Variants in TUSC3 observed in about 807,000 individuals in gnomAD.
TUSC3 encodes tumor suppressor candidate 3.
TUSC3 carries 45 observed loss-of-function variants against 44.8 expected under a neutral mutation model. The observed-to-expected ratio is 1.00, with a 90% confidence interval of 0.79 to 1.29. The LOEUF is 1.29. Among genes scored for constraint, TUSC3 ranks in the 50% most tolerant of loss-of-function variants. The pLI is 0.00. For synonymous variants in TUSC3, 212 were observed against 152.9 expected (o/e 1.39, Z -2.85); for missense variants, 519 against 437.9 (o/e 1.19, Z -1.65).
At chr8:15,659,762 A>T in intron 4 of TUSC3, 115 bp downstream of exon 4, 6 of 1,408,066 alleles carry the variant, frequency 4.3e-6, no homozygotes, top group Non-Finnish European at 5.9e-6. Flanking sequence ...TTCTCCTTGC[A>T]TAGAGAAAAC....
chr8:15,636,302 G>T (rs1435880741), intron 2 of TUSC3, among the ~76,000 whole-genome samples: 1 of 152,110 alleles, frequency 6.6e-6, no homozygotes, highest in Non-Finnish European at 1.5e-5. Context: ...TGAGTTGGGT[G>T]GCAGAGTTAG....
Position 15,650,667 on chromosome 8 carries a change from G to A in TUSC3, c.309-30G>A, listed in dbSNP as rs368082265. On this transcript the variant is annotated intron_variant, in intron 2 of 10. Coordinates refer to ENST00000503731, the MANE Select transcript of TUSC3 (RefSeq NM_006765.4). The stretch of plus-strand genomic sequence containing the variant: ...TTTGTAGATGCTTCAGTACTGATGT[G>A]TTTCTACTATGGCCCATTATTCTTA... The A allele has an allele frequency of 2.6e-4, 420 of 1,596,356 alleles. 1 individual carries two copies. Among genetic ancestry groups the A allele is most frequent in the Non-Finnish European group, 3.5e-4 (409 of 1,164,262 alleles).
chr8:15,834,024 T>C, the TUSC3 span, among the ~76,000 whole-genome samples: 1 of 152,002 alleles, frequency 6.6e-6, no homozygotes, highest in Non-Finnish European at 1.5e-5. Context: ...GTTCAATTTG[T>C]CTATCATACT....
chr8:15,524,022 C>G (rs528244335), intron 2 of TUSC3, among the ~76,000 whole-genome samples: 3 of 147,650 alleles, frequency 2.0e-5, no homozygotes, highest in African/African-American at 7.5e-5. Flanking sequence ...CGCCACTGCA[C>G]TCCAGCTTGG....
chr8:15,665,599 C>T (rs1369505308), intron 5 of TUSC3, among the ~76,000 whole-genome samples: 2 of 150,424 alleles, frequency 1.3e-5, no homozygotes, highest in African/African-American at 2.4e-5. Context: ...GTTGCAATTT[C>T]CTGACATAGG....
At chr8:15,807,713 C>T in the TUSC3 span, among the ~76,000 whole-genome samples, 1 of 152,156 alleles carries the variant, frequency 6.6e-6, no homozygotes, top group Non-Finnish European at 1.5e-5. Flanking sequence ...TCCTTTGCAG[C>T]AATGTGGATG....
chr8:15,545,756 C>G (rs1247060680), intron 1 of TUSC3, among the ~76,000 whole-genome samples: 1 of 151,518 alleles, frequency 6.6e-6, no homozygotes, highest in Non-Finnish European at 1.5e-5. Context: ...GTAATCAACT[C>G]TTAACCTTTT....
intron 2 of TUSC3, among the ~76,000 whole-genome samples, chr8:15,640,385 A>C (rs1343995333): frequency 6.6e-6 from 1 of 152,128 alleles, no homozygotes; most frequent in Non-Finnish European, 1.5e-5. Flanking sequence ...CTCTGTAGTA[A>C]ATCTCAACCA....
intron 1 of TUSC3, among the ~76,000 whole-genome samples, chr8:15,613,861 G>T (rs966651855): frequency 8.5e-5 from 13 of 152,090 alleles, no homozygotes; most frequent in African/African-American, 3.1e-4. Flanking sequence ...TGAGATTCAT[G>T]AGCATAATTT....
intron 2 of TUSC3, among the ~76,000 whole-genome samples, chr8:15,511,846 G>A (rs1296194373): frequency 6.7e-6 from 1 of 150,330 alleles, no homozygotes; most frequent in Non-Finnish European, 1.5e-5. Context: ...ACTCCAGCCT[G>A]GGCGACAGAG....
At position 15,640,198 on chromosome 8, in the gene TUSC3, C is replaced by G. The variant is rs148435499; in HGVS notation, c.309-10499C>G. ...TACCATGCAGAGGGCATCTACATGA[C>G]CAACCTTCTTGGGCACTGAATCTGT... On this transcript the variant is annotated intron_variant, in intron 2 of 10. Coordinates refer to ENST00000503731, the MANE Select transcript of TUSC3 (RefSeq NM_006765.4). Among the ~76,000 whole-genome samples, 163 of 152,284 alleles carry G rather than the reference C, an allele frequency of 1.1e-3. No individual in the cohort carries two copies. In the East Asian group the frequency reaches 0.025, roughly 24 times the overall value.
At chr8:15,466,464 GA>G (rs760990719) in intron 1 of TUSC3, among the ~76,000 whole-genome samples, 3 of 151,804 alleles carry the variant, frequency 2.0e-5, no homozygotes, top group South Asian at 4.2e-4. Context: ...CCCAATGTAG[GA>G]AAAAAATGCT....
the TUSC3 span, among the ~76,000 whole-genome samples, chr8:15,831,626 G>C: frequency 1.3e-5 from 2 of 152,090 alleles, no homozygotes; most frequent in African/African-American, 4.8e-5. Flanking sequence ...TGATAGAGCT[G>C]AAAAACACAC....
rs181039218 is a variant in TUSC3, at chr8:15,441,145, G to A, written n.91+23840G>A. 5.3e-5 allele frequency among the ~76,000 whole-genome samples: 8 copies of A among 152,340 alleles called. No individual in the cohort carries two copies. The East Asian group carries it at 5.8e-4, about 11-fold the overall frequency. On this transcript the variant is annotated intron_variant and non_coding_transcript_variant, in intron 1 of 5. Transcript: ENST00000503191. The stretch of plus-strand genomic sequence containing the variant: ...GTGATGGCCAGGCACAGTGGCTCAC[G>A]CCTGTAATCCCAGCACTTTGGGAGG...
At chr8:15,593,314 G>A (rs898199558) in intron 1 of TUSC3, among the ~76,000 whole-genome samples, 2 of 152,092 alleles carry the variant, frequency 1.3e-5, no homozygotes, top group Non-Finnish European at 2.9e-5. Flanking sequence ...TCGAACTCCT[G>A]ACCTCAGGTG....
the TUSC3 span, among the ~76,000 whole-genome samples, chr8:15,824,834 C>G: frequency 1.3e-5 from 2 of 152,138 alleles, no homozygotes; most frequent in Non-Finnish European, 1.5e-5. Context: ...TTTAAGCCAA[C>G]CTGTCAGTTC....
rs1807451881 is a variant in TUSC3, at chr8:15,662,169, G to T, written c.581G>T (p.Arg194Ile). Residue 194 changes from arginine (R) to isoleucine (I), a missense_variant, in exon 5 of 11, where the codon AGA (arginine) becomes ATA (isoleucine). Arg to Ile is a moderately conservative substitution (Grantham distance 97). Transcript: ENST00000503731. ...DRTDVHIRVF[R>I]PPNYSGTIAL... The stretch of plus-strand genomic sequence containing the variant: ...GCATTTTTGCAGATTCGGGTTTTCA[G>T]ACCACCCAACTACTCTGGTACCATT... The T allele has an allele frequency of 1.2e-6, 2 of 1,612,786 alleles. No individual in the cohort carries two copies. The highest frequency in any genetic ancestry group is 1.7e-6 in the Non-Finnish European group (2 of 1,179,150).
intron 1 of TUSC3, among the ~76,000 whole-genome samples, chr8:15,572,338 A>G (rs1802909000): frequency 6.6e-6 from 1 of 152,002 alleles, no homozygotes; most frequent in African/African-American, 2.4e-5. Context: ...CCAGCTTTAA[A>G]TTTTTCTTCT....
chr8:15,742,487 A>G (rs1382403059), intron 7 of TUSC3, among the ~76,000 whole-genome samples: 3 of 152,222 alleles, frequency 2.0e-5, no homozygotes. Context: ...TTTCAATAAT[A>G]TGGTTATAAA....
Sources: allele counts gnomAD v4.1 joint callset (sites outside exome capture counted in the v4.1 genomes callset), GRCh38; gene constraint gnomAD v4.1.1; transcripts MANE v1.5; gene names NCBI Gene and HGNC (gene_info 2026-07-23, HGNC 2026-07-21).